AGPAT4: variants seen among roughly 807,000 people sequenced by gnomAD.
The protein encoded by AGPAT4 is 1-acylglycerol-3-phosphate O-acyltransferase 4.
AGPAT4 carries 15 observed loss-of-function variants against 48.0 expected under a neutral mutation model. That is an observed-to-expected ratio of 0.31 (90% CI 0.21 to 0.48). AGPAT4 has a LOEUF of 0.48. Ranked by LOEUF, AGPAT4 falls within the 20% of genes least tolerant of loss-of-function variation. The pLI, the probability that AGPAT4 is intolerant of heterozygous loss-of-function variation, is 0.99. For synonymous variants in AGPAT4, 178 were observed against 198.7 expected (o/e 0.90, Z 0.88); for missense variants, 314 against 482.5 (o/e 0.65, Z 3.27).
At chr6:161,271,024 G>C (rs3798956) in intron 1 of AGPAT4, among the ~76,000 whole-genome samples, 1 of 152,096 alleles carries the variant, frequency 6.6e-6, no homozygotes, top group Non-Finnish European at 1.5e-5. Context: ...TTGTTAAGCT[G>C]AAGCTAAAAA....
rs960814127 is a variant in AGPAT4, at chr6:161,261,625, T to C, written c.-90+12313A>G. 6.6e-6 allele frequency among the ~76,000 whole-genome samples: 1 copy of C among 152,184 alleles called. No individual in the cohort carries two copies. The highest frequency in any genetic ancestry group is 1.5e-5 in the Non-Finnish European group (1 of 68,036). ...AAAGCCAACGGAGGGATATTTTACC[T>C]TCCACAAATCCAGCTAATCATGTAG... On this transcript the variant is annotated intron_variant, in intron 1 of 8. Coordinates refer to ENST00000320285, the MANE Select transcript of AGPAT4 (RefSeq NM_020133.3). This position sits in a 1 kb window ranked among gnomAD's most constrained non-coding sequence, Gnocchi z 5.3.
At chr6:161,186,626 T>A (rs1193771505) in intron 2 of AGPAT4, among the ~76,000 whole-genome samples, 1 of 151,924 alleles carries the variant, frequency 6.6e-6, no homozygotes, top group East Asian at 1.9e-4. Flanking sequence ...TGCCGCCACT[T>A]CCTCCTGTTA....
chr6:161,241,541 G>T (rs1318182088), intron 1 of AGPAT4, among the ~76,000 whole-genome samples: 1 of 152,126 alleles, frequency 6.6e-6, no homozygotes, highest in Non-Finnish European at 1.5e-5. Flanking sequence ...TTAATAGTTG[G>T]TTCTGAGTAG....
At chr6:161,209,471 G>C (rs1781467289) in intron 2 of AGPAT4, among the ~76,000 whole-genome samples, 1 of 152,132 alleles carries the variant, frequency 6.6e-6, no homozygotes, top group Admixed American at 6.5e-5. Context: ...GAACTTTTCT[G>C]TTCCCTTTGT....
rs12110827 is a variant in AGPAT4, at chr6:161,141,079, G to A, written c.844-1459C>T. Among the ~76,000 whole-genome samples, 5,630 of 152,050 alleles carry A rather than the reference G, an allele frequency of 0.037. 174 individuals are homozygous for A. The highest frequency in any genetic ancestry group is 0.084 in the African/African-American group (3,498 of 41,468). ...ATACTTTTCTTCTTTTTCATTCAGG[G>A]TGTACTGAATCATAGGCTTTCTTGG... On this transcript the variant is annotated intron_variant, in intron 7 of 8. Transcript: ENST00000320285. The surrounding 1 kb of genome is among the most constrained non-coding windows in gnomAD (Gnocchi z 6.7).
rs1779147258 is a variant in AGPAT4, at chr6:161,138,447, A to T, written c.1042+975T>A. On this transcript the variant is annotated intron_variant, in intron 8 of 8. Transcript: ENST00000320285. This position sits in a 1 kb window ranked among gnomAD's most constrained non-coding sequence, Gnocchi z 4.8. ...TTAGGTGAAAAGGCGAGCTGAAGAA[A>T]CTCCACTGATACGGGTTTATAGATG... Among the ~76,000 whole-genome samples, 1 of 151,294 alleles carries T rather than the reference A, an allele frequency of 6.6e-6. No homozygotes were observed. Among genetic ancestry groups the T allele is most frequent in the African/African-American group, 2.4e-5 (1 of 41,106 alleles).
Position 161,232,834 on chromosome 6 carries a change from C to T in AGPAT4, c.-89-532G>A, listed in dbSNP as rs1782159393. On this transcript the variant is annotated intron_variant, in intron 1 of 8. Transcript: ENST00000320285. This position sits in a 1 kb window ranked among gnomAD's most constrained non-coding sequence, Gnocchi z 6.8. Reference sequence around the variant, plus strand: ...AAGTCAAGCCTGCCCTGGACAAGGACGAGGACATACCCAGAGTGGGTGCCA... The same window carrying T: ...AAGTCAAGCCTGCCCTGGACAAGGATGAGGACATACCCAGAGTGGGTGCCA... Among the ~76,000 whole-genome samples the T allele has an allele frequency of 1.3e-5, 2 of 152,154 alleles. No homozygotes were observed. Among genetic ancestry groups the T allele is most frequent in the African/African-American group, 2.4e-5 (1 of 41,424 alleles).
chr6:161,209,203 T>C (rs1781460001), intron 2 of AGPAT4, among the ~76,000 whole-genome samples: 4 of 152,170 alleles, frequency 2.6e-5, no homozygotes, highest in Admixed American at 2.6e-4. Context: ...GGAGAAGAGC[T>C]GAGCAGAAAG....
intron 1 of AGPAT4, among the ~76,000 whole-genome samples, chr6:161,260,126 C>T (rs1342943156): frequency 1.3e-5 from 2 of 152,136 alleles, no homozygotes; most frequent in Non-Finnish European, 2.9e-5. Flanking sequence ...CAGTGAACTG[C>T]TAGGAAGACG....
chr6:161,239,515 T>C (rs1052228960), intron 1 of AGPAT4, among the ~76,000 whole-genome samples: 1 of 152,204 alleles, frequency 6.6e-6, no homozygotes, highest in African/African-American at 2.4e-5. Context: ...AGATTCACAT[T>C]GCAGCACTCA....
chr6:161,194,606 CTA>C (rs1391637131), intron 2 of AGPAT4, among the ~76,000 whole-genome samples: 3 of 149,836 alleles, frequency 2.0e-5, no homozygotes, highest in Non-Finnish European at 4.5e-5. Context: ...GTATGTGTGT[CTA>C]TGTATGTGTA....
Position 161,149,957 on chromosome 6 carries a change from C to T in AGPAT4, c.665-668G>A, listed in dbSNP as rs1042686819. ...CAGTCAAGAAACACCGAAATTTGAA[C>T]AAGTGTGGATGATAAGAAAAATTAT... On this transcript the variant is annotated intron_variant, in intron 5 of 8. Coordinates refer to ENST00000320285, the MANE Select transcript of AGPAT4 (RefSeq NM_020133.3). This position sits in a 1 kb window ranked among gnomAD's most constrained non-coding sequence, Gnocchi z 6.5. Among the ~76,000 whole-genome samples, 1 of 152,164 alleles carries T rather than the reference C, an allele frequency of 6.6e-6. No homozygotes were observed. Among genetic ancestry groups the T allele is most frequent in the Non-Finnish European group, 1.5e-5 (1 of 68,030 alleles).
chr6:161,194,121 C>T (rs1163985564), intron 2 of AGPAT4, among the ~76,000 whole-genome samples: 2 of 152,168 alleles, frequency 1.3e-5, no homozygotes, highest in African/African-American at 4.8e-5. Context: ...ATAAAATACA[C>T]ACTGGGTTTT....
chr6:161,180,834 C>G lies in AGPAT4; in HGVS notation c.179-14417G>C, dbSNP rs1780562862. Among the ~76,000 whole-genome samples the G allele has an allele frequency of 6.6e-6, 1 of 152,166 alleles. No homozygotes were observed. Among genetic ancestry groups the G allele is most frequent in the South Asian group, 2.1e-4 (1 of 4,824 alleles). On this transcript the variant is annotated intron_variant, in intron 2 of 8. Coordinates refer to ENST00000320285, the MANE Select transcript of AGPAT4 (RefSeq NM_020133.3). The surrounding 1 kb of genome is among the most constrained non-coding windows in gnomAD (Gnocchi z 6.4). Reference sequence around the variant, plus strand: ...AGTCGTCAAGTTACAGGGTGCCCACCAGACCCTCTCTGTGCCTGATAAATA... The same window carrying G: ...AGTCGTCAAGTTACAGGGTGCCCACGAGACCCTCTCTGTGCCTGATAAATA...
At position 161,133,268 on chromosome 6, in the gene AGPAT4, C is replaced by T. The variant is rs1022122296; in HGVS notation, c.*3272G>A. On this transcript the variant is annotated 3_prime_UTR_variant, in exon 9 of 9. Transcript: ENST00000320285. ...ATCACTGTTACAAGTTGTGGCTGGACAATTAATGACATTTAAATCACTGTC... is the reference window on the plus strand; with the variant it reads ...ATCACTGTTACAAGTTGTGGCTGGATAATTAATGACATTTAAATCACTGTC... The T allele has an allele frequency of 2.6e-5, 4 of 152,154 alleles. No homozygotes were observed. Among genetic ancestry groups the T allele is most frequent in the Admixed American group, 6.5e-5 (1 of 15,274 alleles). 9.4% of individuals were successfully genotyped at this position (152,154 alleles called of 1,614,324 possible). A position where few individuals can be genotyped will look rare whatever the true frequency, so the allele number is the denominator to read the frequency against.
Position 161,195,961 on chromosome 6 carries a change from C to T in AGPAT4, c.179-29544G>A, listed in dbSNP as rs537298364. ...CTGACATTGATCAGGCTCTCCCCAC[C>T]GTGTGCAGAGGCAGCTCACACCCAC... is the stretch of plus-strand genomic sequence containing the variant. On this transcript the variant is annotated intron_variant, in intron 2 of 8. Transcript: ENST00000320285. This position sits in a 1 kb window ranked among gnomAD's most constrained non-coding sequence, Gnocchi z 5.0. Among the ~76,000 whole-genome samples, 4 of 152,270 alleles carry T rather than the reference C, an allele frequency of 2.6e-5. No individual in the cohort carries two copies. Among genetic ancestry groups the T allele is most frequent in the East Asian group, 1.9e-4 (1 of 5,184 alleles).
Position 161,153,835 on chromosome 6 carries a change from AGCCCCAGGGTCACATATG to A in AGPAT4, c.510+296_510+313del, listed in dbSNP as rs11271901. Reference sequence around the variant, plus strand: ...CACACACAGCCCTGGGGTCACACATAGCCCCAGGGTCACATATGGCCACATGATCACACACGGCCCCAT... The same window carrying A: ...CACACACAGCCCTGGGGTCACACATAGCCACATGATCACACACGGCCCCAT... On this transcript the variant is annotated intron_variant, in intron 4 of 8. Transcript: ENST00000320285. Among the ~76,000 whole-genome samples, 893 of 121,244 alleles carry A rather than the reference AGCCCCAGGGTCACATATG, an allele frequency of 7.4e-3. 21 individuals carry two copies. Among genetic ancestry groups the A allele is most frequent in the African/African-American group, 0.028 (845 of 29,698 alleles). 79.5% of individuals were successfully genotyped at this position (121,244 alleles called of 152,430 possible). A position where few individuals can be genotyped will look rare whatever the true frequency, so the allele number is the denominator to read the frequency against.
rs748442314 is a variant in AGPAT4, at chr6:161,246,897, G to C, written c.-89-14595C>G. Among the ~76,000 whole-genome samples, 1 of 152,198 alleles carries C rather than the reference G, an allele frequency of 6.6e-6. No individual in the cohort carries two copies. The highest frequency in any genetic ancestry group is 1.5e-5 in the Non-Finnish European group (1 of 68,042). Reference sequence around the variant, plus strand: ...CTGAACTGTCAAAGACAAAGCAAAAGTAAGAGCATAAACTGATAAAGTCCT... The same window carrying C: ...CTGAACTGTCAAAGACAAAGCAAAACTAAGAGCATAAACTGATAAAGTCCT... On this transcript the variant is annotated intron_variant, in intron 1 of 8. Transcript: ENST00000320285. This position sits in a 1 kb window ranked among gnomAD's most constrained non-coding sequence, Gnocchi z 5.5.
intron 2 of AGPAT4, among the ~76,000 whole-genome samples, chr6:161,186,078 T>A (rs961228775): frequency 1.7e-4 from 26 of 152,074 alleles, no homozygotes; most frequent in African/African-American, 6.3e-4. Flanking sequence ...ACAAGGAAAG[T>A]CTCATTGCCT....
Sources: allele counts gnomAD v4.1 joint callset (sites outside exome capture counted in the v4.1 genomes callset), GRCh38; gene constraint gnomAD v4.1.1; non-coding constraint Gnocchi (gnomAD v3.1); transcripts MANE v1.5; gene names NCBI Gene and HGNC (gene_info 2026-07-23, HGNC 2026-07-21).